FANCI: variants seen among roughly 807,000 people sequenced by gnomAD.
FANCI encodes FA complementation group I.
A neutral mutation model predicts 176.1 loss-of-function variants in FANCI; 156 were observed. That is an observed-to-expected ratio of 0.89 (90% CI 0.78 to 1.01). FANCI has a LOEUF of 1.01. Among genes scored for constraint, FANCI ranks in the 50% least tolerant of loss-of-function variants. The probability of loss-of-function intolerance (pLI) is 0.00; values close to 1 mark genes in which losing one functional copy is unlikely to be tolerated. For synonymous variants in FANCI, 613 were observed against 541.7 expected (o/e 1.13, Z -1.83); for missense variants, 1,678 against 1,534.1 (o/e 1.09, Z -1.57).
At chr15:89,260,578 C>T in intron 3 of FANCI, 135 bp from the exon 4 acceptor site, 1 of 1,142,010 alleles carries the variant, frequency 8.8e-7, no homozygotes, top group Non-Finnish European at 1.3e-6. Flanking sequence ...TTAACCATTG[C>T]TGTTCTAAGC....
chr15:89,282,115 A>C (rs2053637450), intron 16 of FANCI: 1 of 412,958 alleles, frequency 2.4e-6, no homozygotes, highest in Non-Finnish European at 4.6e-6. Context: ...AAAGTAAAAC[A>C]GTAGTTGGTG....
intron 9 of FANCI, among the ~76,000 whole-genome samples, chr15:89,266,845 A>AC (rs1157090601): frequency 6.6e-6 from 1 of 150,786 alleles, no homozygotes; most frequent in Non-Finnish European, 1.5e-5. Context: ...TAATTAGCTC[A>AC]CTTTTTTTTT....
intron 36 of FANCI, 118 bp from the exon 37 acceptor site, chr15:89,315,164 G>A: frequency 1.3e-6 from 1 of 773,924 alleles, no homozygotes; most frequent in Non-Finnish European, 2.3e-6. Flanking sequence ...GGAAGTGGGT[G>A]CGTGCTTGCT....
intron 2 of FANCI, among the ~76,000 whole-genome samples, chr15:89,250,236 CATTCACACGTATGTTTATTGCGGCACT>C (rs1374547057): frequency 6.6e-6 from 1 of 152,142 alleles, no homozygotes; most frequent in Non-Finnish European, 1.5e-5. Flanking sequence ...TATAAAGACA[CATTCACACGTATGTTTATTGCGGCACT>C]ATTCACAATA....
At chr15:89,294,868 A>G in intron 23 of FANCI, 47 bp from the exon 24 acceptor site, 1 of 1,529,028 alleles carries the variant, frequency 6.5e-7, no homozygotes, top group Non-Finnish European at 8.8e-7. Flanking sequence ...TACCAATAGC[A>G]GTAAGGGAAT....
At chr15:89,314,954 G>A (rs1424870428) in intron 36 of FANCI, among the ~76,000 whole-genome samples, 2 of 149,850 alleles carry the variant, frequency 1.3e-5, no homozygotes, top group Admixed American at 1.4e-4. Context: ...ACAGTCATAT[G>A]CCATCATACC....
rs1350669792 is a variant in FANCI at position 89,244,041 on chromosome 15, C to T, written c.-20+8C>T. On this transcript the variant is annotated splice_region_variant and intron_variant, in intron 1 of 37. Transcript: ENST00000310775. ...TGGAAGTTTGTGGCGGAGGTGAGGC[C>T]GAGGTGACTGCAGAGCGGCTCGCGA... is the stretch of plus-strand genomic sequence containing the variant. The T allele has an allele frequency of 6.5e-6, 1 of 152,718 alleles. No homozygotes were observed. Among genetic ancestry groups the T allele is most frequent in the Non-Finnish European group, 1.5e-5 (1 of 68,502 alleles). 9.5% of individuals were successfully genotyped at this position (152,718 alleles called of 1,614,324 possible). A position where few individuals can be genotyped will look rare whatever the true frequency, so the allele number is the denominator to read the frequency against.
intron 24 of FANCI, among the ~76,000 whole-genome samples, chr15:89,299,226 C>G (rs1327642192): frequency 2.0e-5 from 3 of 151,376 alleles, no homozygotes; most frequent in Non-Finnish European, 1.5e-5. Flanking sequence ...CCTGAGTAAT[C>G]TTATCTCTAT....
At chr15:89,272,681 G>A (rs2053243693) in intron 10 of FANCI, among the ~76,000 whole-genome samples, 1 of 151,988 alleles carries the variant, frequency 6.6e-6, no homozygotes, top group Admixed American at 6.6e-5. Context: ...ATTAAAAAAT[G>A]TTTTTTATGT....
At chr15:89,310,772 C>T (rs2054922850) in intron 34 of FANCI, among the ~76,000 whole-genome samples, 1 of 152,214 alleles carries the variant, frequency 6.6e-6, no homozygotes, top group South Asian at 2.1e-4. Flanking sequence ...GGGAAGAAAG[C>T]AACGAAAACC....
At position 89,299,856 on chromosome 15, in the gene FANCI, AAGAG is replaced by A. The variant is rs745893292; in HGVS notation, c.2695_2698del (p.Glu899LysfsTer68). ...ACTTCAGTGGAAGAGTCGGGAAAGAAAGAGAAAGGAAAGAGCATCTCACTGCTGT... is the reference window on the plus strand; with the variant it reads ...ACTTCAGTGGAAGAGTCGGGAAAGAAAAAGGAAAGAGCATCTCACTGCTGT... On this transcript the variant is annotated frameshift_variant, in exon 25 of 38. Coordinates refer to ENST00000310775, the MANE Select transcript of FANCI (RefSeq NM_001113378.2). LOFTEE classifies it high-confidence loss of function. 6 of 1,614,016 alleles carry A rather than the reference AAGAG, an allele frequency of 3.7e-6. No homozygotes were observed. Among genetic ancestry groups the A allele is most frequent in the Non-Finnish European group, 5.1e-6 (6 of 1,180,006 alleles).
Position 89,295,216 on chromosome 15 carries a change from T to G in FANCI, c.2636+122T>G, listed in dbSNP as rs1019480845. ...GACATATTTTAGGAGTGAAAGAATATAAAACATTAGCCAGGTGGCAGGCAC... is the reference window on the plus strand; with the variant it reads ...GACATATTTTAGGAGTGAAAGAATAGAAAACATTAGCCAGGTGGCAGGCAC... On this transcript the variant is annotated intron_variant, in intron 24 of 37. Transcript: ENST00000310775. The G allele has an allele frequency of 9.4e-6, 11 of 1,166,062 alleles. No individual in the cohort carries two copies. In the Admixed American group the frequency reaches 2.8e-4, roughly 30 times the overall value. 72.2% of individuals were successfully genotyped at this position (1,166,062 alleles called of 1,614,324 possible).
chr15:89,315,765 G>C (rs1337798492), intron 37 of FANCI, among the ~76,000 whole-genome samples: 1 of 152,130 alleles, frequency 6.6e-6, no homozygotes, highest in African/African-American at 2.4e-5. Flanking sequence ...TTGGGTTAAG[G>C]CTTCTTCCTT....
chr15:89,252,352 G>A (rs1161746548), intron 2 of FANCI, among the ~76,000 whole-genome samples: 5 of 151,622 alleles, frequency 3.3e-5, no homozygotes, highest in African/African-American at 4.8e-5. Flanking sequence ...TGGCATGATA[G>A]TATACCTGGA....
At chr15:89,307,209 G>A (rs747555242) in intron 32 of FANCI, among the ~76,000 whole-genome samples, 4 of 152,096 alleles carry the variant, frequency 2.6e-5, no homozygotes, top group Admixed American at 6.5e-5. Context: ...AAACAGCAAA[G>A]TTGTTGGTTT....
At chr15:89,253,543 A>ATAAATAAATAACT (rs1555441211) in intron 2 of FANCI, among the ~76,000 whole-genome samples, 1,973 of 143,476 alleles carry the variant, frequency 0.014, 37 homozygotes, top group African/African-American at 0.047. Context: ...AAATAAATAA[A>ATAAATAAATAACT]TAAGTATATG....
intron 32 of FANCI, among the ~76,000 whole-genome samples, chr15:89,306,537 C>T (rs1315141167): frequency 6.6e-6 from 1 of 151,910 alleles, no homozygotes; most frequent in Non-Finnish European, 1.5e-5. Flanking sequence ...ACTAAAAATA[C>T]AAAAAGTAGC....
chr15:89,259,734 G>A (rs1161031837), intron 3 of FANCI, among the ~76,000 whole-genome samples: 1 of 152,140 alleles, frequency 6.6e-6, no homozygotes, highest in Admixed American at 6.5e-5. Flanking sequence ...ATTTCATTTA[G>A]TGGAATCATT....
chr15:89,247,527 T>C (rs756416183), intron 1 of FANCI, 102 bp from the exon 2 acceptor site: 2 of 833,712 alleles, frequency 2.4e-6, no homozygotes, highest in South Asian at 1.4e-5. Flanking sequence ...TGAGCACCCA[T>C]TGCATAATAG....
Sources: gnomAD v4.1 joint callset for allele counts (sites outside exome capture counted in the v4.1 genomes callset) on GRCh38, gnomAD v4.1.1 for gene constraint, MANE v1.5 for transcripts, NCBI Gene and HGNC (gene_info 2026-07-23, HGNC 2026-07-21) for gene names.